The following ASTN2 variants were observed in gnomAD, a reference collection of about 807,000 sequenced individuals.
ASTN2 encodes astrotactin 2.
In ASTN2, 54 loss-of-function variants were observed where a neutral mutation model predicts 139.8. That is an observed-to-expected ratio of 0.39 (90% CI 0.31 to 0.48). ASTN2 has a LOEUF of 0.48. Among genes scored for constraint, ASTN2 ranks in the 20% least tolerant of loss-of-function variants. The pLI is 0.95. For missense variants in ASTN2, 1,565 were observed against 1,725.1 expected, an observed-to-expected ratio of 0.91 and a Z score of 1.64; for synonymous variants, 756 against 719.5, an observed-to-expected ratio of 1.05 and a Z score of -0.81.
At chr9:117,113,972 A>T (rs1236230612) in intron 4 of ASTN2, among the ~76,000 whole-genome samples, 1 of 152,148 alleles carries the variant, frequency 6.6e-6, no homozygotes, top group Non-Finnish European at 1.5e-5. Context: ...CTCTAAATGG[A>T]TGTGATTTCT....
intron 13 of ASTN2, among the ~76,000 whole-genome samples, chr9:116,764,588 A>T (rs1829757671): frequency 6.6e-6 from 1 of 152,166 alleles, no homozygotes; most frequent in Non-Finnish European, 1.5e-5. Flanking sequence ...CAATTGAACC[A>T]CATCTATTTA....
chr9:117,198,075 A>G (rs951884730), intron 3 of ASTN2, among the ~76,000 whole-genome samples: 1 of 152,018 alleles, frequency 6.6e-6, no homozygotes, highest in Non-Finnish European at 1.5e-5. Context: ...TCTTCTAAAC[A>G]AAAGGGGGGT....
intron 3 of ASTN2, among the ~76,000 whole-genome samples, chr9:117,206,199 G>A (rs1490979112): frequency 6.6e-6 from 1 of 152,172 alleles, no homozygotes; most frequent in African/African-American, 2.4e-5. Context: ...AAGCATCTGT[G>A]GTGACAGGAA....
chr9:116,740,543 T>TG (rs1829071594), intron 13 of ASTN2, among the ~76,000 whole-genome samples: 1 of 152,094 alleles, frequency 6.6e-6, no homozygotes, highest in Non-Finnish European at 1.5e-5. Flanking sequence ...GATGGAGTCT[T>TG]GCTCTGTCGC....
chr9:116,491,516 T>C (rs1275930732), intron 19 of ASTN2, among the ~76,000 whole-genome samples: 1 of 152,116 alleles, frequency 6.6e-6, no homozygotes, highest in African/African-American at 2.4e-5. Context: ...AATGAGACAA[T>C]AAAAGAAATG....
chr9:116,507,944 A>G (rs989658748), intron 19 of ASTN2, among the ~76,000 whole-genome samples: 6 of 152,068 alleles, frequency 3.9e-5, no homozygotes, highest in African/African-American at 1.4e-4. Flanking sequence ...GCTGGAGTAC[A>G]ATGGTGTCAT....
chr9:116,760,452 T>G (rs1829646179), intron 13 of ASTN2, among the ~76,000 whole-genome samples: 1 of 152,196 alleles, frequency 6.6e-6, no homozygotes, highest in Non-Finnish European at 1.5e-5. Context: ...AAACACTTTC[T>G]GACATACAAA....
chr9:116,789,199 T>C (rs1325110685), intron 13 of ASTN2, among the ~76,000 whole-genome samples: 1 of 152,140 alleles, frequency 6.6e-6, no homozygotes, highest in Non-Finnish European at 1.5e-5. Flanking sequence ...CTTTCTTTCC[T>C]CCTACACTAG....
At chr9:116,500,089 C>T (rs879353706) in intron 19 of ASTN2, among the ~76,000 whole-genome samples, 1 of 152,154 alleles carries the variant, frequency 6.6e-6, no homozygotes, top group Non-Finnish European at 1.5e-5. Context: ...CTGACGAACC[C>T]TGGAGTTTCT....
chr9:116,785,902 A>G (rs955928813), intron 13 of ASTN2, among the ~76,000 whole-genome samples: 19 of 152,218 alleles, frequency 1.2e-4, no homozygotes, highest in South Asian at 1.0e-3. Flanking sequence ...TTTCTGCTCA[A>G]ATAATGCACT....
chr9:116,514,314 C>T lies in ASTN2; in HGVS notation c.3356-26814G>A, dbSNP rs952105397. Among the ~76,000 whole-genome samples, 7 of 149,324 alleles carry T rather than the reference C, an allele frequency of 4.7e-5. No homozygotes were observed. The East Asian group carries it at 5.9e-4, about 13-fold the overall frequency. On this transcript the variant is annotated intron_variant, in intron 19 of 22. Transcript: ENST00000313400. The stretch of plus-strand genomic sequence containing the variant: ...ATCAGCAGCAGAGGCTGCAGAACAT[C>T]GAATATTGCTGAACAGCAAATGTTG...
At chr9:117,263,803 G>T (rs1833879827) in intron 2 of ASTN2, among the ~76,000 whole-genome samples, 1 of 152,124 alleles carries the variant, frequency 6.6e-6, no homozygotes, top group Admixed American at 6.5e-5. Context: ...CTACAACTGA[G>T]CACAGTATTC....
intron 3 of ASTN2, among the ~76,000 whole-genome samples, chr9:117,166,755 T>C (rs1564458067): frequency 6.6e-6 from 1 of 152,120 alleles, no homozygotes; most frequent in African/African-American, 2.4e-5. Flanking sequence ...TATTCCCTCA[T>C]AACATACTCT....
At chr9:116,448,687 T>C (rs530649462) in intron 20 of ASTN2, among the ~76,000 whole-genome samples, 1 of 152,338 alleles carries the variant, frequency 6.6e-6, no homozygotes, top group East Asian at 1.9e-4. Context: ...AGTTTCCTTA[T>C]CTGTAAAATG....
At chr9:117,131,175 C>T (rs944674889) in intron 4 of ASTN2, among the ~76,000 whole-genome samples, 2 of 152,186 alleles carry the variant, frequency 1.3e-5, no homozygotes, top group African/African-American at 2.4e-5. Flanking sequence ...CTGCCCAACA[C>T]ACTGAATGAA....
intron 10 of ASTN2, among the ~76,000 whole-genome samples, chr9:116,946,958 A>T (rs1835417588): frequency 6.7e-6 from 1 of 148,398 alleles, no homozygotes; most frequent in Non-Finnish European, 1.5e-5. Flanking sequence ...AAAACAACCC[A>T]GATTGTCTTT....
intron 7 of ASTN2, among the ~76,000 whole-genome samples, chr9:116,999,207 A>T (rs978592714): frequency 6.6e-6 from 1 of 152,200 alleles, no homozygotes; most frequent in Non-Finnish European, 1.5e-5. Context: ...AGTGCTTAAA[A>T]GGTCATAGAA....
At chr9:116,893,018 C>G (rs1180206648) in intron 10 of ASTN2, among the ~76,000 whole-genome samples, 1 of 152,086 alleles carries the variant, frequency 6.6e-6, no homozygotes, top group African/African-American at 2.4e-5. Flanking sequence ...TCCGGTACTC[C>G]CAAACTCCCA....
intron 1 of ASTN2, among the ~76,000 whole-genome samples, chr9:117,395,027 C>T (rs1008152626): frequency 1.3e-5 from 2 of 152,112 alleles, no homozygotes; most frequent in Non-Finnish European, 2.9e-5. Flanking sequence ...AGAGCTGCTA[C>T]TGGATTACAA....
Sources: gnomAD v4.1 joint callset for allele counts (sites outside exome capture counted in the v4.1 genomes callset) on GRCh38, gnomAD v4.1.1 for gene constraint, MANE v1.5 for transcripts, NCBI Gene and HGNC (gene_info 2026-07-23, HGNC 2026-07-21) for gene names.